CCDC7: variants seen among roughly 807,000 people sequenced by gnomAD.
CCDC7 encodes the protein coiled-coil domain-containing protein 7.
In CCDC7, 183 loss-of-function variants were observed where a neutral mutation model predicts 196.9. That is an observed-to-expected ratio of 0.93 (90% confidence interval 0.82 to 1.05). The LOEUF (loss-of-function observed/expected upper bound fraction) is 1.05, where lower values mean the gene tolerates loss of function less well. CCDC7 is among the 50% of genes least tolerant of loss of function. The pLI is 0.00. For missense variants in CCDC7, 1,540 were observed against 1,482.2 expected (o/e 1.04, Z -0.64); for synonymous variants, 525 against 484.6 (o/e 1.08, Z -1.10).
At chr10:32,563,857 A>G (rs915255491) in intron 13 of CCDC7, among the ~76,000 whole-genome samples, 1 of 151,884 alleles carries the variant, frequency 6.6e-6, no homozygotes, top group African/African-American at 2.4e-5. Context: ...ATCAGAGTGA[A>G]CAGGCAACCT....
exon 25 of CCDC7, chr10:32,711,665 A>G (rs767147435): frequency 2.1e-5 from 34 of 1,596,744 alleles, no homozygotes; most frequent in Non-Finnish European, 2.7e-5. Context: ...AAACATCAAG[A>G]TTCAGTGTCA....
chr10:32,566,868 G>T (rs1041901424), intron 14 of CCDC7, among the ~76,000 whole-genome samples: 58 of 142,852 alleles, frequency 4.1e-4, no homozygotes, highest in Middle Eastern at 3.7e-3. Flanking sequence ...AAACCCCGCA[G>T]ATATATATAT....
chr10:32,613,105 T>G (rs1221639678), intron 18 of CCDC7, among the ~76,000 whole-genome samples: 1 of 151,456 alleles, frequency 6.6e-6, no homozygotes, highest in Admixed American at 6.6e-5. Context: ...CAGAACTTCT[T>G]ATTGGTCTAT....
intron 33 of CCDC7, among the ~76,000 whole-genome samples, chr10:32,840,112 A>G (rs1368811893): frequency 3.3e-5 from 5 of 152,106 alleles, no homozygotes; most frequent in South Asian, 2.1e-4. Flanking sequence ...AAACAAGAAC[A>G]ATCCAAACCC....
intron 32 of CCDC7, among the ~76,000 whole-genome samples, chr10:32,831,254 G>A (rs1036531043): frequency 6.6e-6 from 1 of 152,162 alleles, no homozygotes; most frequent in Non-Finnish European, 1.5e-5. Flanking sequence ...TGGTACACCT[G>A]TGTAGAGCAC....
intron 18 of CCDC7, among the ~76,000 whole-genome samples, chr10:32,620,266 G>T (rs969101780): frequency 3.9e-5 from 6 of 151,944 alleles, no homozygotes; most frequent in Non-Finnish European, 5.9e-5. Context: ...AGGTTTTCTT[G>T]CATTGTTTTA....
intron 25 of CCDC7, among the ~76,000 whole-genome samples, chr10:32,717,895 CAAAAA>C (rs56282080): frequency 2.3e-5 from 3 of 130,452 alleles, no homozygotes; most frequent in Admixed American, 7.6e-5. Flanking sequence ...AATAGCCTAC[CAAAAA>C]AAAAAAAAAA....
chr10:32,804,836 T>G (rs141984122), intron 29 of CCDC7, among the ~76,000 whole-genome samples, 179 bp from the exon 31 acceptor site: 34 of 152,270 alleles, frequency 2.2e-4, no homozygotes, highest in African/African-American at 6.7e-4. Context: ...ATATGATTGC[T>G]AACAGACCTT....
chr10:32,738,709 A>G (rs893232572), intron 28 of CCDC7, among the ~76,000 whole-genome samples: 2 of 151,960 alleles, frequency 1.3e-5, no homozygotes, highest in African/African-American at 4.8e-5. Flanking sequence ...CCTGAGCTCA[A>G]GCAATCCATC....
At chr10:32,716,175 G>T (rs1378099752) in intron 25 of CCDC7, among the ~76,000 whole-genome samples, 2 of 152,184 alleles carry the variant, frequency 1.3e-5, no homozygotes, top group African/African-American at 4.8e-5. Flanking sequence ...TACCCACAAA[G>T]GGAAGCCCAT....
intron 22 of CCDC7, 60 bp from the exon 24 acceptor site, chr10:32,688,993 C>G: frequency 9.0e-7 from 1 of 1,106,998 alleles, no homozygotes; most frequent in South Asian, 1.4e-5. Context: ...AATTTGAAAT[C>G]TACAGATTTC....
intron 29 of CCDC7, among the ~76,000 whole-genome samples, chr10:32,799,101 A>G (rs2084243248): frequency 6.6e-6 from 1 of 152,216 alleles, no homozygotes; most frequent in South Asian, 2.1e-4. Flanking sequence ...CTTTATGGCT[A>G]GATGGGTCAG....
downstream of CCDC7, chr10:32,876,611 ACTTTT>A (rs1305536682): frequency 2.7e-6 from 1 of 376,748 alleles, no homozygotes; most frequent in African/African-American, 2.1e-5. Context: ...TTACTTTATT[ACTTTT>A]CTTTTCAATT....
intron 21 of CCDC7, among the ~76,000 whole-genome samples, chr10:32,683,361 TTTA>T (rs1388032121): frequency 2.6e-5 from 4 of 152,208 alleles, no homozygotes; most frequent in African/African-American, 7.2e-5. Context: ...TGTGTATGTT[TTTA>T]TACCACTACC....
At chr10:32,625,478 A>G (rs893538568) in intron 18 of CCDC7, among the ~76,000 whole-genome samples, 1 of 151,856 alleles carries the variant, frequency 6.6e-6, no homozygotes, top group Non-Finnish European at 1.5e-5. Flanking sequence ...TGAAATTTAT[A>G]GCTGTATTTA....
intron 41 of CCDC7, among the ~76,000 whole-genome samples, chr10:32,874,603 A>G (rs981795575): frequency 2.0e-5 from 3 of 151,682 alleles, no homozygotes; most frequent in African/African-American, 7.3e-5. Context: ...TTGCTGCAAA[A>G]GACATTATTT....
intron 25 of CCDC7, among the ~76,000 whole-genome samples, chr10:32,722,826 C>G (rs1436579932): frequency 6.6e-6 from 1 of 152,036 alleles, no homozygotes; most frequent in Non-Finnish European, 1.5e-5. Flanking sequence ...TTATGGAGAT[C>G]ATAGTTGTGC....
At chr10:32,479,945 T>G (rs2039670862) in intron 8 of CCDC7, among the ~76,000 whole-genome samples, 1 of 152,054 alleles carries the variant, frequency 6.6e-6, no homozygotes, top group African/African-American at 2.4e-5. Context: ...GTGGGTTGTA[T>G]GTGTCTATGA....
chr10:32,719,157 G>A (rs2082040629), intron 25 of CCDC7, among the ~76,000 whole-genome samples: 1 of 152,108 alleles, frequency 6.6e-6, no homozygotes, highest in Non-Finnish European at 1.5e-5. Context: ...AAACAGCATG[G>A]TACTGGTACC....
Sources: gnomAD v4.1 joint callset for allele counts (sites outside exome capture counted in the v4.1 genomes callset) on GRCh38, gnomAD v4.1.1 for gene constraint, MANE v1.5 for transcripts, NCBI Gene and HGNC (gene_info 2026-07-23, HGNC 2026-07-21) for gene names.